The following TRO variants were observed in gnomAD, a reference collection of about 807,000 sequenced individuals.
TRO encodes trophinin.
A neutral mutation model predicts 42.3 loss-of-function variants in TRO; 29 were observed. The observed-to-expected ratio is 0.68, with a 90% confidence interval of 0.51 to 0.93. TRO has a LOEUF of 0.93. TRO is among the 40% of genes least tolerant of loss of function. The pLI is 0.00. For synonymous variants in TRO, 384 were observed against 425.2 expected, an observed-to-expected ratio of 0.90 and a Z score of 1.19; for missense variants, 963 against 1,127.7, an observed-to-expected ratio of 0.85 and a Z score of 2.09.
chrX:54,930,088 A>T lies in TRO; in HGVS notation c.3364A>T (p.Thr1122Ser). Residue 1122 changes from threonine (T) to serine (S), a missense_variant, in exon 12 of 13, where the codon ACT (threonine) becomes TCT (serine). Around this residue, in one of 2 missense-constraint regions of TRO, gnomAD observed 641 missense variants for 811.3 expected, o/e 0.79. Coordinates refer to ENST00000173898, the MANE Select transcript of TRO (RefSeq NM_001039705.3). ...ALSTAADFGG[T>S]PSNSIGFGAA... The stretch of plus-strand genomic sequence containing the variant: ...TAGTACCGCTGCTGACTTCGGTGGT[A>T]CTCCCAGCAACAGCATTGGCTTTGG... 1.7e-6 allele frequency: 2 copies of T among 1,200,490 alleles called. No homozygotes were observed. Among genetic ancestry groups the T allele is most frequent in the Non-Finnish European group, 2.2e-6 (2 of 891,417 alleles).
chrX:54,924,719 C>T lies in TRO; in HGVS notation c.1391C>T (p.Pro464Leu). 1 of 1,211,470 alleles carries T rather than the reference C, an allele frequency of 8.3e-7. No individual in the cohort carries two copies. Among genetic ancestry groups the T allele is most frequent in the African/African-American group, 1.7e-5 (1 of 57,837 alleles). Residue 464 changes from proline (P) to leucine (L), a missense_variant, in exon 5 of 13, where the codon CCC becomes CTC. Physicochemically the swap from Pro to Leu is moderately conservative, Grantham distance 98. This residue lies in a region of TRO where 641 missense variants were observed against 811.3 expected (regional missense o/e 0.79). Coordinates refer to ENST00000173898, the MANE Select transcript of TRO (RefSeq NM_001039705.3). The stretch of plus-strand genomic sequence containing the variant: ...TTGGTTAAGGACCAGACAAAGATCC[C>T]CATCAAACGCTCAGGTAGTGTCCTA... Reference protein sequence around the residue: ...YLLVKDQTKIPIKRSDMLRDV... With the variant: ...YLLVKDQTKILIKRSDMLRDV...
chrX:54,930,714 A>G lies in TRO; in HGVS notation c.3990A>G (p.Gly1330=). 1 of 1,211,469 alleles carries G rather than the reference A, an allele frequency of 8.3e-7. No homozygotes were observed. The highest frequency in any genetic ancestry group is 1.1e-6 in the Non-Finnish European group (1 of 895,382). The change falls in exon 12 of 13, where the codon GGA becomes GGG. Residue 1330 remains glycine, a synonymous_variant. Transcript: ENST00000173898. ...GGCCTAATGCCAGCTTCGACAGAGG[A>G]CTGAGTACCATCATTGGCTTTGGCA... The part of the protein sequence containing the change: ...GSRPNASFDR[G]LSTIIGFGSG...
chrX:54,924,712 A>G lies in TRO; in HGVS notation c.1384A>G (p.Lys462Glu). ...ATACCTGTTGGTTAAGGACCAGACA[A>G]AGATCCCCATCAAACGCTCAGGTAG... is the stretch of plus-strand genomic sequence containing the variant. ...VKYLLVKDQT[K>E]IPIKRSDMLR... The change falls in exon 5 of 13, where the codon AAG becomes GAG. Residue 462 changes from lysine to glutamate, a missense_variant. Physicochemically the swap from Lys to Glu is moderately conservative, Grantham distance 56. Transcript: ENST00000173898. 1 of 1,211,697 alleles carries G rather than the reference A, an allele frequency of 8.3e-7. No individual in the cohort carries two copies. Among genetic ancestry groups the G allele is most frequent in the South Asian group, 1.8e-5 (1 of 56,952 alleles).
chrX:54,929,591 G>A lies in TRO; in HGVS notation c.2867G>A (p.Ser956Asn). Residue 956 changes from serine (S) to asparagine (N), a missense_variant, in exon 12 of 13, where the codon AGC (serine) becomes AAC (asparagine). Physicochemically the swap from Ser to Asn is conservative, Grantham distance 46 (BLOSUM62 1). Around this residue, in one of 2 missense-constraint regions of TRO, gnomAD observed 641 missense variants for 811.3 expected, o/e 0.79. Transcript: ENST00000173898. ...AATTTTGGTGGTACACTAAGTACCA[G>A]CATCTGCTTTGATGGCTCTCCCAGC... ...SANFGGTLSTSICFDGSPSTG... is the reference protein window; with the variant it reads ...SANFGGTLSTNICFDGSPSTG... The A allele has an allele frequency of 8.3e-7, 1 of 1,211,631 alleles. No individual in the cohort carries two copies. The highest frequency in any genetic ancestry group is 1.1e-6 in the Non-Finnish European group (1 of 895,393).
In TRO at chrX:54,923,776, C is replaced by G. The variant is rs1322545652; in HGVS notation, c.1236+8C>G. On this transcript the variant is annotated splice_region_variant and intron_variant, in intron 3 of 12. Coordinates refer to ENST00000173898, the MANE Select transcript of TRO (RefSeq NM_001039705.3). ...GGCAAAAGAAACCGAAAGGTGAGAT[C>G]TCTGACATTGCCATCCTTAACTTTG... The G allele has an allele frequency of 3.4e-6, 4 of 1,181,488 alleles. No individual in the cohort carries two copies. Among genetic ancestry groups the G allele is most frequent in the Non-Finnish European group, 3.4e-6 (3 of 878,854 alleles).
rs904642215 is a variant in TRO, at chrX:54,928,807, G to A, written c.2083G>A (p.Asp695Asn). 1.5e-5 allele frequency: 18 copies of A among 1,210,313 alleles called. No individual in the cohort carries two copies. The highest frequency in any genetic ancestry group is 2.3e-4 in the Middle Eastern group (1 of 4,351). The stretch of plus-strand genomic sequence containing the variant: ...CTGCCTAACAAGGGAAGAGTTAGGC[G>A]ATGATGCTCAGGCCTGGAGCAGATT... ...IDCLTREELG[D>N]DAQAWSRFSF... is the part of the protein sequence containing the mutation. The change falls in exon 12 of 13, where the codon GAT (aspartate) becomes AAT (asparagine). Residue 695 changes from aspartate to asparagine, a missense_variant. By Grantham distance (23) the Asp-to-Asn change is conservative. Coordinates refer to ENST00000173898, the MANE Select transcript of TRO (RefSeq NM_001039705.3).
intron 1 of TRO, chrX:54,921,522 A>T (rs1380566314): frequency 9.2e-6 from 1 of 108,269 alleles, no homozygotes; most frequent in African/African-American, 3.4e-5. Flanking sequence ...AGACGTGGAA[A>T]GAGGGGGGAG....
At chrX:54,924,422 C>T in intron 3 of TRO, 29 bp from the exon 4 acceptor site, 1 of 1,162,057 alleles carries the variant, frequency 8.6e-7, no homozygotes, top group Non-Finnish European at 1.2e-6. Flanking sequence ...CCTGGTGACT[C>T]TGGACCTTCC....
chrX:54,923,490 C>T lies in TRO; in HGVS notation c.958C>T (p.Pro320Ser). 2 of 1,185,874 alleles carry T rather than the reference C, an allele frequency of 1.7e-6. No homozygotes were observed. The highest frequency in any genetic ancestry group is 2.3e-6 in the Non-Finnish European group (2 of 881,696). Residue 320 changes from proline (P) to serine (S), a missense_variant, in exon 3 of 13, where the codon CCA becomes TCA. Transcript: ENST00000173898. ...TTCTGTCTCTGAGATCTCTGAGGCC[C>T]CACTTGCCACTCAGATAGTCACAAA... The part of the protein sequence containing the change: ...PNSVSEISEA[P>S]LATQIVTNQA...
chrX:54,929,824 A>G lies in TRO; in HGVS notation c.3100A>G (p.Ser1034Gly). ...NTNAGYGGAV[S>G]TNTDFGGTLS... ...CAATGCTGGTTATGGTGGTGCTGTC[A>G]GCACCAACACTGACTTTGGTGGTAC... The change falls in exon 12 of 13, where the codon AGC becomes GGC. Residue 1034 changes from serine (S) to glycine (G), a missense_variant. Ser to Gly is a moderately conservative substitution (Grantham distance 56, BLOSUM62 0). Transcript: ENST00000173898. 1 of 1,209,687 alleles carries G rather than the reference A, an allele frequency of 8.3e-7. No homozygotes were observed. The highest frequency in any genetic ancestry group is 1.1e-6 in the Non-Finnish European group (1 of 894,934).
Position 54,927,036 on chromosome X carries a change from T to C in TRO, c.1701-7T>C, listed in dbSNP as rs1006536167. 8.3e-7 allele frequency: 1 copy of C among 1,209,851 alleles called. No individual in the cohort carries two copies. Among genetic ancestry groups the C allele is most frequent in the Non-Finnish European group, 1.1e-6 (1 of 895,163 alleles). On this transcript the variant is annotated splice_polypyrimidine_tract_variant and splice_region_variant and intron_variant, in intron 9 of 12. Transcript: ENST00000173898. ...CTGTGTTCATGGGTTATTTTTCCCA[T>C]TGTCAGGGTGAGGCATTCACTCTTT...
chrX:54,921,685 A>C (rs182576923), intron 1 of TRO, among the ~76,000 whole-genome samples: 2 of 50,934 alleles, frequency 3.9e-5, no homozygotes, highest in Non-Finnish European at 7.0e-5. Context: ...CGCAGAGGAG[A>C]GATGGGCGGT....
At position 54,926,411 on chromosome X, in the gene TRO, A is replaced by T. The variant is rs749856122; in HGVS notation, c.1579A>T (p.Thr527Ser). 8.3e-7 allele frequency: 1 copy of T among 1,210,176 alleles called. No homozygotes were observed. The highest frequency in any genetic ancestry group is 1.1e-6 in the Non-Finnish European group (1 of 894,203). The change falls in exon 8 of 13, where the codon ACC (threonine) becomes TCC (serine). Residue 527 changes from threonine to serine, a missense_variant and splice_region_variant. Thr to Ser is a moderately conservative substitution (Grantham distance 58). Coordinates refer to ENST00000173898, the MANE Select transcript of TRO (RefSeq NM_001039705.3). ...QESSAGILGT[T>S]KDTPKLGLLM... ...CTTTCTGTCCTGTTATTCCCTTAGG[A>T]CCAAGGACACACCCAAGCTGGGTCT...
In TRO at chrX:54,922,926, G is replaced by A; in HGVS notation, c.394G>A (p.Val132Ile). The stretch of plus-strand genomic sequence containing the variant: ...GGTAACCAATACTCAGGCTTCTTCA[G>A]TCACTGCTCAGCCTAAGAAAGCCAA... ...TEVTNTQASS[V>I]TAQPKKANKM... Residue 132 changes from valine to isoleucine, a missense_variant, in exon 3 of 13, where the codon GTC (valine) becomes ATC (isoleucine). Physicochemically the swap from Val to Ile is conservative, Grantham distance 29. This residue lies in a region of TRO where 322 missense variants were observed against 316.5 expected (regional missense o/e 1.02). Coordinates refer to ENST00000173898, the MANE Select transcript of TRO (RefSeq NM_001039705.3). 8.3e-7 allele frequency: 1 copy of A among 1,211,794 alleles called. No homozygotes were observed. The highest frequency in any genetic ancestry group is 1.1e-6 in the Non-Finnish European group (1 of 895,550).
In TRO at chrX:54,924,572, G is replaced by T. The variant is rs766947592; in HGVS notation, c.1341+17G>T. 18 of 1,200,930 alleles carry T rather than the reference G, an allele frequency of 1.5e-5. No individual in the cohort carries two copies. The South Asian group carries it at 3.1e-4, about 20-fold the overall frequency. On this transcript the variant is annotated intron_variant, in intron 4 of 12. Transcript: ENST00000173898. Reference sequence around the variant, plus strand: ...CAAGAAAGGGTAAGAATCCAATGCTGTCCAGTCTCTTCTCTTCTTCACTTG... The same window carrying T: ...CAAGAAAGGGTAAGAATCCAATGCTTTCCAGTCTCTTCTCTTCTTCACTTG...
At position 54,924,490 on chromosome X, in the gene TRO, T is replaced by C; in HGVS notation, c.1276T>C (p.Tyr426His). ...TGGGGATGAGAGAAGTGGCAGTAATTACAGGCGGATCCCATGGGGCCGGAG... is the reference window on the plus strand; with the variant it reads ...TGGGGATGAGAGAAGTGGCAGTAATCACAGGCGGATCCCATGGGGCCGGAG... ...LNGDERSGSN[Y>H]RRIPWGRRPA... The change falls in exon 4 of 13, where the codon TAC (tyrosine) becomes CAC (histidine). Residue 426 changes from tyrosine to histidine, a missense_variant. By Grantham distance (83) the Tyr-to-His change is moderately conservative. Around this residue, in one of 2 missense-constraint regions of TRO, gnomAD observed 641 missense variants for 811.3 expected, o/e 0.79. Coordinates refer to ENST00000173898, the MANE Select transcript of TRO (RefSeq NM_001039705.3). The C allele has an allele frequency of 1.7e-6, 2 of 1,208,890 alleles. No individual in the cohort carries two copies. Among genetic ancestry groups the C allele is most frequent in the Non-Finnish European group, 2.2e-6 (2 of 894,286 alleles).
chrX:54,926,914 C>A, intron 9 of TRO, 129 bp from the exon 10 acceptor site: 1 of 786,593 alleles, frequency 1.3e-6, no homozygotes, highest in Non-Finnish European at 1.8e-6. Context: ...TGGCCATGTG[C>A]TCATTACTTT....
chrX:54,924,622 T>C, intron 4 of TRO, 48 bp from the exon 5 acceptor site: 5 of 1,204,074 alleles, frequency 4.2e-6, no homozygotes, highest in Non-Finnish European at 5.6e-6. Flanking sequence ...TCCTTCCAAG[T>C]TTTCTGCAAG....
At chrX:54,921,027 C>G (rs1365826739) in intron 1 of TRO, 149 bp downstream of exon 1, 1 of 111,246 alleles carries the variant, frequency 9.0e-6, no homozygotes, top group Non-Finnish European at 1.9e-5. Context: ...TTTAGCGGTG[C>G]CTGGACCCAG....
Sources: allele counts gnomAD v4.1 joint callset (sites outside exome capture counted in the v4.1 genomes callset), GRCh38; gene constraint gnomAD v4.1.1; regional missense constraint gnomAD v4.1.1; transcripts MANE v1.5; gene names NCBI Gene and HGNC (gene_info 2026-07-23, HGNC 2026-07-21).